CAMKMT: variants seen among roughly 807,000 people sequenced by gnomAD.
CAMKMT encodes the protein calmodulin-lysine N-methyltransferase, also known as CaM KMT.
A neutral mutation model predicts 48.0 loss-of-function variants in CAMKMT; 53 were observed. The observed-to-expected ratio is 1.10, with a 90% CI of 0.89 to 1.39. The LOEUF (loss-of-function observed/expected upper bound fraction) is 1.39, where lower values mean the gene tolerates loss of function less well. Ranked by LOEUF, CAMKMT falls within the 40% of genes most tolerant of loss-of-function variation. The probability of loss-of-function intolerance (pLI) is 0.00; values close to 1 mark genes in which losing one functional copy is unlikely to be tolerated. For missense variants in CAMKMT, 428 were observed against 402.7 expected (o/e 1.06, Z -0.54); for synonymous variants, 165 against 152.3 (o/e 1.08, Z -0.61).
intron 7 of CAMKMT, among the ~76,000 whole-genome samples, chr2:44,725,715 GATAA>G (rs1678743638): frequency 6.6e-6 from 1 of 152,164 alleles, no homozygotes; most frequent in East Asian, 1.9e-4. Context: ...AGCTATTTGT[GATAA>G]ATAGAGAGAG....
At chr2:44,745,885 C>A (rs138269999) in intron 8 of CAMKMT, among the ~76,000 whole-genome samples, 1 of 152,144 alleles carries the variant, frequency 6.6e-6, no homozygotes. Flanking sequence ...CAGGATTCCA[C>A]GAGTTCTTTA....
chr2:44,548,938 A>C (rs921595760), intron 3 of CAMKMT, among the ~76,000 whole-genome samples: 1 of 152,140 alleles, frequency 6.6e-6, no homozygotes, highest in Non-Finnish European at 1.5e-5. Context: ...GCCATACCAG[A>C]CTTCTGACCT....
At chr2:44,592,820 AT>A (rs60473288) in intron 3 of CAMKMT, among the ~76,000 whole-genome samples, 93,822 of 151,820 alleles carry the variant, frequency 0.62, 29,508 homozygotes, top group Admixed American at 0.69. Flanking sequence ...TTTTAAGTGT[AT>A]TGTTTTGTGG....
intron 3 of CAMKMT, among the ~76,000 whole-genome samples, chr2:44,439,069 C>A (rs1666473509): frequency 6.6e-6 from 1 of 152,174 alleles, no homozygotes; most frequent in South Asian, 2.1e-4. Context: ...GGGACAGGTA[C>A]AGAAGAAACA....
chr2:44,688,945 C>T lies in CAMKMT; in HGVS notation c.377-15338C>T, dbSNP rs138391970. On this transcript the variant is annotated intron_variant, in intron 3 of 10. Transcript: ENST00000378494. ...GGAAACCTTGCATAAATGTGTAGAG[C>T]ATGCATTCCACATGGAACACATGGC... Among the ~76,000 whole-genome samples the T allele has an allele frequency of 9.2e-4, 140 of 152,328 alleles. 1 individual carries two copies. In the East Asian group the frequency reaches 0.024, roughly 26 times the overall value.
intron 3 of CAMKMT, among the ~76,000 whole-genome samples, chr2:44,481,730 C>T (rs1246052319): frequency 5.3e-5 from 8 of 151,906 alleles, no homozygotes; most frequent in Non-Finnish European, 1.0e-4. Flanking sequence ...AAAATCATTT[C>T]GATGAATGAC....
At chr2:44,712,567 G>A (rs920825286) in intron 6 of CAMKMT, among the ~76,000 whole-genome samples, 1 of 152,064 alleles carries the variant, frequency 6.6e-6, no homozygotes, top group Non-Finnish European at 1.5e-5. Context: ...TTAGAATTCC[G>A]GTTTCTTTTT....
chr2:44,593,758 A>T (rs1572878523), intron 3 of CAMKMT, among the ~76,000 whole-genome samples: 1 of 103,646 alleles, frequency 9.6e-6, no homozygotes, highest in Non-Finnish European at 2.0e-5. Context: ...GAAAAAGACA[A>T]CTTCCTTTTT....
intron 3 of CAMKMT, among the ~76,000 whole-genome samples, chr2:44,396,515 A>T (rs1027916143): frequency 1.2e-4 from 18 of 152,164 alleles, no homozygotes; most frequent in African/African-American, 4.1e-4. Context: ...TGGTTATTTT[A>T]TTAGGAATTG....
At chr2:44,683,083 G>T (rs976280060) in intron 3 of CAMKMT, among the ~76,000 whole-genome samples, 5 of 152,078 alleles carry the variant, frequency 3.3e-5, no homozygotes, top group African/African-American at 9.7e-5. Flanking sequence ...TTGCTTCCTG[G>T]CCTCTATTCA....
intron 2 of CAMKMT, among the ~76,000 whole-genome samples, chr2:44,377,364 A>T (rs1679805705): frequency 6.6e-6 from 1 of 152,160 alleles, no homozygotes; most frequent in Non-Finnish European, 1.5e-5. Flanking sequence ...AGATAGATGC[A>T]AGTATATAAG....
chr2:44,377,627 G>C (rs756943602), intron 2 of CAMKMT, among the ~76,000 whole-genome samples: 1 of 152,024 alleles, frequency 6.6e-6, no homozygotes, highest in Non-Finnish European at 1.5e-5. Flanking sequence ...ACGTGTCTTA[G>C]GTATAGAGAA....
chr2:44,576,976 A>G (rs1411739637), intron 3 of CAMKMT, among the ~76,000 whole-genome samples: 1 of 152,204 alleles, frequency 6.6e-6, no homozygotes, highest in African/African-American at 2.4e-5. Context: ...TAAAAAATTT[A>G]CTTTCTTGGA....
chr2:44,401,369 C>A (rs1413542065), intron 3 of CAMKMT, among the ~76,000 whole-genome samples: 1 of 151,936 alleles, frequency 6.6e-6, no homozygotes, highest in East Asian at 1.9e-4. Context: ...CCAGCCTGGC[C>A]AACATGGTGA....
chr2:44,766,941 G>A (rs2104407015), intron 10 of CAMKMT, among the ~76,000 whole-genome samples: 1 of 152,340 alleles, frequency 6.6e-6, no homozygotes, highest in East Asian at 1.9e-4. Flanking sequence ...GAAGGTGAAT[G>A]TCTAATTGTA....
intron 1 of CAMKMT, among the ~76,000 whole-genome samples, chr2:44,365,244 C>A (rs1470514102): frequency 6.6e-6 from 1 of 152,112 alleles, no homozygotes; most frequent in African/African-American, 2.4e-5. Context: ...CTTTCCATTA[C>A]CCTATAGAGC....
chr2:44,441,166 T>C (rs1666634596), intron 3 of CAMKMT, among the ~76,000 whole-genome samples: 1 of 152,230 alleles, frequency 6.6e-6, no homozygotes, highest in Non-Finnish European at 1.5e-5. Flanking sequence ...TGTGACTCAA[T>C]ATATGTTTAT....
chr2:44,609,569 C>T (rs1671485313), intron 3 of CAMKMT, among the ~76,000 whole-genome samples: 1 of 152,000 alleles, frequency 6.6e-6, no homozygotes, highest in Non-Finnish European at 1.5e-5. Context: ...CATTTTAATC[C>T]CTGTGGGTAA....
intron 3 of CAMKMT, among the ~76,000 whole-genome samples, chr2:44,586,106 C>T (rs1261568080): frequency 6.6e-6 from 1 of 152,118 alleles, no homozygotes; most frequent in African/African-American, 2.4e-5. Flanking sequence ...TACAGAGGTA[C>T]GATTTGCCTA....
Sources: gnomAD v4.1 joint callset for allele counts (sites outside exome capture counted in the v4.1 genomes callset) on GRCh38, gnomAD v4.1.1 for gene constraint, MANE v1.5 for transcripts, NCBI Gene and HGNC (gene_info 2026-07-23, HGNC 2026-07-21) for gene names.